The following PEX7 variants were observed in gnomAD, a reference collection of about 807,000 sequenced individuals.
PEX7 encodes peroxisomal biogenesis factor 7, also known as PTS2 receptor.
PEX7 carries 34 observed loss-of-function variants against 47.5 expected under a neutral mutation model. The observed-to-expected ratio is 0.72, with a 90% CI of 0.54 to 0.95. The LOEUF is 0.95. PEX7 is among the 40% of genes least tolerant of loss of function. PEX7 has a pLI of 0.00. For missense variants in PEX7, 394 were observed against 400.3 expected, an observed-to-expected ratio of 0.98 and a Z score of 0.13; for synonymous variants, 141 against 148.8, an observed-to-expected ratio of 0.95 and a Z score of 0.38.
In PEX7 at chr6:136,822,650, G is replaced by C. The variant is rs1242571638; in HGVS notation, c.-16G>C. 5 of 1,522,578 alleles carry C rather than the reference G, an allele frequency of 3.3e-6. No homozygotes were observed. Among genetic ancestry groups the C allele is most frequent in the Middle Eastern group, 2.1e-4 (1 of 4,742 alleles). The allele number at this position is 1,522,578 out of a possible 1,614,324, so 94.3% of individuals were successfully genotyped here. A position where few individuals can be genotyped will look rare whatever the true frequency, so the allele number is the denominator to read the frequency against. ...TTCCGCGGCCGGGGCAGCGAGGGCC[G>C]GGGGCGGCGGGCGGGATGAGTGCGG... On this transcript the variant is annotated 5_prime_UTR_variant, in exon 1 of 10. Coordinates refer to ENST00000318471, the MANE Select transcript of PEX7 (RefSeq NM_000288.4).
intron 7 of PEX7, 60 bp downstream of exon 7, chr6:136,870,063 G>A: frequency 1.9e-6 from 2 of 1,071,388 alleles, no homozygotes; most frequent in South Asian, 2.9e-5. Context: ...AATCAATGAA[G>A]TGTATATTAA....
chr6:136,877,705 T>G (rs1253572472), intron 8 of PEX7, among the ~76,000 whole-genome samples: 5 of 152,236 alleles, frequency 3.3e-5, no homozygotes, highest in Non-Finnish European at 5.9e-5. Context: ...CATGCTGTTT[T>G]GATTGCTGTA....
intron 1 of PEX7, chr6:136,823,331 G>A (rs375127304): frequency 4.5e-5 from 44 of 985,430 alleles, no homozygotes; most frequent in East Asian, 2.3e-4. Flanking sequence ...AATATATCAA[G>A]TTCAGTTCTT....
intron 8 of PEX7, among the ~76,000 whole-genome samples, chr6:136,880,248 G>A (rs1471645609): frequency 6.6e-6 from 1 of 152,022 alleles, no homozygotes; most frequent in East Asian, 1.9e-4. Context: ...TCTGTGGACA[G>A]GGTTGATGGT....
At chr6:136,896,866 A>G (rs1473187830) in intron 8 of PEX7, among the ~76,000 whole-genome samples, 1 of 152,178 alleles carries the variant, frequency 6.6e-6, no homozygotes, top group Non-Finnish European at 1.5e-5. Context: ...GCTTCTCTCA[A>G]CATTATCGGG....
intron 3 of PEX7, among the ~76,000 whole-genome samples, chr6:136,830,904 G>C (rs973719279): frequency 1.3e-5 from 2 of 152,060 alleles, no homozygotes; most frequent in Admixed American, 6.5e-5. Context: ...AGGTTTTTGA[G>C]CATTGCTTAT....
chr6:136,859,530 A>G (rs924399183), intron 5 of PEX7, among the ~76,000 whole-genome samples: 1 of 152,126 alleles, frequency 6.6e-6, no homozygotes, highest in Non-Finnish European at 1.5e-5. Context: ...AGAAAAAGTC[A>G]TATTACATCT....
At chr6:136,882,486 C>T (rs1483292330) in intron 8 of PEX7, among the ~76,000 whole-genome samples, 1 of 151,932 alleles carries the variant, frequency 6.6e-6, no homozygotes, top group African/African-American at 2.4e-5. Context: ...CCCTTTGCCT[C>T]TCTTCTAAAG....
At chr6:136,822,867 C>G in intron 1 of PEX7, 72 bp downstream of exon 1, 1 of 1,224,558 alleles carries the variant, frequency 8.2e-7, no homozygotes, top group Non-Finnish European at 1.0e-6. Flanking sequence ...TCCAGTTCCT[C>G]GCGCTCGAGG....
At position 136,854,877 on chromosome 6, in the gene PEX7, G is replaced by T. The variant is rs555273127; in HGVS notation, c.526+8696G>T. ...GAGGCAGATGGATCACTTGAGAACA[G>T]GAGTTTGAGACCAGCCTGGCCAACC... On this transcript the variant is annotated intron_variant, in intron 5 of 9. Coordinates refer to ENST00000318471, the MANE Select transcript of PEX7 (RefSeq NM_000288.4). Among the ~76,000 whole-genome samples, 17 of 152,226 alleles carry T rather than the reference G, an allele frequency of 1.1e-4. No individual in the cohort carries two copies. In the South Asian group the frequency reaches 3.5e-3, roughly 32 times the overall value.
At position 136,900,648 on chromosome 6, in the gene PEX7, A is replaced by G; in HGVS notation, c.903+2407A>G. 3.0e-6 allele frequency: 1 copy of G among 335,158 alleles called. No individual in the cohort carries two copies. The highest frequency in any genetic ancestry group is 9.6e-5 in the East Asian group (1 of 10,376). 20.8% of individuals were successfully genotyped at this position (335,158 alleles called of 1,614,324 possible). A position where few individuals can be genotyped will look rare whatever the true frequency, so the allele number is the denominator to read the frequency against. Reference sequence around the variant, plus strand: ...CGCAGTCAGGGACCCCCATTTTATGAGACAGGGCAGGCAGGAAGACAACCA... The same window carrying G: ...CGCAGTCAGGGACCCCCATTTTATGGGACAGGGCAGGCAGGAAGACAACCA... On this transcript the variant is annotated intron_variant, in intron 9 of 9. Transcript: ENST00000318471. This position sits in a 1 kb window ranked among gnomAD's most constrained non-coding sequence, Gnocchi z 4.2.
chr6:136,823,911 T>C (rs1048001358), intron 1 of PEX7, among the ~76,000 whole-genome samples: 1 of 152,186 alleles, frequency 6.6e-6, no homozygotes, highest in African/African-American at 2.4e-5. Context: ...GTCCATCTAG[T>C]CCGTGGACTA....
At chr6:136,898,069 A>T in intron 8 of PEX7, 73 bp from the exon 9 acceptor site, 2 of 885,620 alleles carry the variant, frequency 2.3e-6, no homozygotes, top group African/African-American at 3.3e-5. Context: ...TATGTCAAAT[A>T]TCTATTTTTT....
chr6:136,868,069 C>A (rs988401905), intron 6 of PEX7, among the ~76,000 whole-genome samples: 3 of 152,116 alleles, frequency 2.0e-5, no homozygotes, highest in African/African-American at 7.2e-5. Context: ...ATACAGAAAG[C>A]CTTACAATTG....
At chr6:136,868,984 A>G (rs891237247) in intron 6 of PEX7, among the ~76,000 whole-genome samples, 4 of 152,216 alleles carry the variant, frequency 2.6e-5, no homozygotes, top group Admixed American at 2.6e-4. Context: ...AGATTTAGAG[A>G]ACATGGAAAA....
intron 3 of PEX7, among the ~76,000 whole-genome samples, chr6:136,842,186 G>A (rs1024432679): frequency 2.0e-5 from 3 of 151,578 alleles, no homozygotes; most frequent in South Asian, 2.1e-4. Flanking sequence ...GTAGAGACGG[G>A]GTTTCACCAT....
chr6:136,837,361 C>CAAGAAAAAAAAAAAA (rs1774408007), intron 3 of PEX7, among the ~76,000 whole-genome samples: 1 of 83,450 alleles, frequency 1.2e-5, no homozygotes, highest in Non-Finnish European at 2.2e-5. Context: ...GAGTCTGTCA[C>CAAGAAAAAAAAAAAA]AAAAAAAAAA....
intron 8 of PEX7, among the ~76,000 whole-genome samples, chr6:136,886,543 T>C (rs1236644748): frequency 1.3e-5 from 2 of 152,278 alleles, no homozygotes; most frequent in East Asian, 3.9e-4. Context: ...GTAAGTACTT[T>C]AGGGAGAGCT....
At chr6:136,848,104 G>A (rs1224871128) in intron 5 of PEX7, among the ~76,000 whole-genome samples, 1 of 152,072 alleles carries the variant, frequency 6.6e-6, no homozygotes, top group East Asian at 1.9e-4. Context: ...TCCCTTTGTA[G>A]CAATTGTGAA....
Sources: gnomAD v4.1 joint callset for allele counts (sites outside exome capture counted in the v4.1 genomes callset) on GRCh38, gnomAD v4.1.1 for gene constraint, Gnocchi (gnomAD v3.1) non-coding constraint, MANE v1.5 for transcripts, NCBI Gene and HGNC (gene_info 2026-07-23, HGNC 2026-07-21) for gene names.